BLTP1: variants seen among roughly 807,000 people sequenced by gnomAD.
BLTP1 encodes the protein bridge-like lipid transfer protein family member 1.
the BLTP1 span, chr4:122,305,977 A>C: frequency 6.2e-7 from 1 of 1,612,256 alleles, no homozygotes; most frequent in Non-Finnish European, 8.5e-7. Context: ...GGTTCTTCAG[A>C]TAGGGAAGCT....
chr4:122,265,763 A>C, the BLTP1 span, among the ~76,000 whole-genome samples: 1 of 152,032 alleles, frequency 6.6e-6, no homozygotes, highest in Non-Finnish European at 1.5e-5. Flanking sequence ...CAGTAGTGCA[A>C]TCTTGGCTCA....
chr4:122,235,172 A>G, the BLTP1 span: 2 of 835,220 alleles, frequency 2.4e-6, no homozygotes, highest in Non-Finnish European at 3.5e-6. Context: ...TTTGTTTTGC[A>G]CATGACTTAA....
At chr4:122,201,212 G>A in the BLTP1 span, 1 of 1,036,792 alleles carries the variant, frequency 9.6e-7, no homozygotes, top group East Asian at 2.6e-5. Context: ...AAATTACATA[G>A]GGATATGATA....
chr4:122,271,080 G>A, the BLTP1 span: 1 of 1,613,744 alleles, frequency 6.2e-7, no homozygotes, highest in African/African-American at 1.3e-5. Flanking sequence ...GGAACCTTTA[G>A]CATCAGTGCT....
the BLTP1 span, chr4:122,161,139 C>T: frequency 1.0e-6 from 1 of 984,208 alleles, no homozygotes; most frequent in Non-Finnish European, 1.2e-6. Flanking sequence ...GTTTATTTTC[C>T]AGCCCTTAAA....
the BLTP1 span, chr4:122,215,274 G>A: frequency 2.5e-6 from 2 of 797,480 alleles, no homozygotes; most frequent in East Asian, 1.3e-4. Context: ...AGACCCAAGG[G>A]TATCTTTTTT....
the BLTP1 span, chr4:122,155,026 C>T: frequency 1.5e-6 from 1 of 656,646 alleles, no homozygotes; most frequent in African/African-American, 2.0e-5. Flanking sequence ...CAGTGTAATT[C>T]ATTTCATAAC....
the BLTP1 span, chr4:122,153,046 A>G: frequency 4.1e-6 from 4 of 984,980 alleles, no homozygotes; most frequent in Non-Finnish European, 4.8e-6. Flanking sequence ...TGTATTCTGA[A>G]TTGGTGCTTG....
the BLTP1 span, chr4:122,337,259 G>C: frequency 2.1e-6 from 1 of 474,170 alleles, no homozygotes; most frequent in South Asian, 2.7e-5. Flanking sequence ...AAACTGAATA[G>C]CGTAAGTCAG....
At chr4:122,234,935 A>C in the BLTP1 span, 35 of 1,613,830 alleles carry the variant, frequency 2.2e-5, no homozygotes, top group Non-Finnish European at 3.0e-5. Context: ...TTTCAAGCAC[A>C]AGTGCAGAGT....
At chr4:122,286,629 T>A in the BLTP1 span, 2 of 1,614,100 alleles carry the variant, frequency 1.2e-6, no homozygotes, top group Non-Finnish European at 1.7e-6. Flanking sequence ...CAACCATTCC[T>A]CCTTCTGCCA....
the BLTP1 span, chr4:122,261,890 AG>A: frequency 2.0e-6 from 2 of 985,372 alleles, no homozygotes; most frequent in Non-Finnish European, 2.4e-6. Context: ...GATGACTGGG[AG>A]GGCATTGAAA....
At chr4:122,159,036 T>G in the BLTP1 span, among the ~76,000 whole-genome samples, 1 of 152,252 alleles carries the variant, frequency 6.6e-6, no homozygotes, top group African/African-American at 2.4e-5. Flanking sequence ...TTCTTTTGCC[T>G]AGTATTTGAT....
the BLTP1 span, chr4:122,325,295 G>A: frequency 3.1e-6 from 5 of 1,608,834 alleles, no homozygotes; most frequent in South Asian, 4.4e-5. Flanking sequence ...CCTGGACCTA[G>A]AGTAACTTTT....
the BLTP1 span, chr4:122,187,070 T>TC: frequency 5.9e-5 from 58 of 984,916 alleles, no homozygotes; most frequent in Middle Eastern, 1.6e-3. Flanking sequence ...TCATTTATGT[T>TC]TAATAATAAC....
the BLTP1 span, chr4:122,349,357 T>C: frequency 6.3e-7 from 1 of 1,577,354 alleles, no homozygotes; most frequent in Non-Finnish European, 8.6e-7. This position sits in a 1 kb window ranked among gnomAD's most constrained non-coding sequence, Gnocchi z 4.5. Context: ...ATCCTTAAGA[T>C]ATATATATCA....
the BLTP1 span, chr4:122,305,082 T>C: frequency 2.1e-4 from 267 of 1,279,490 alleles, 2 homozygotes; most frequent in Admixed American, 2.0e-3. Flanking sequence ...TACAAAAATA[T>C]TTAGTTTAAT....
chr4:122,333,825 C>A, the BLTP1 span: 2 of 1,603,112 alleles, frequency 1.2e-6, no homozygotes, highest in Non-Finnish European at 1.7e-6. Flanking sequence ...AACCCAATTG[C>A]CTAGGGTAAG....
chr4:122,170,107 G>T, the BLTP1 span: 1 of 480,884 alleles, frequency 2.1e-6, no homozygotes, highest in South Asian at 9.0e-5. Context: ...AGGAGTTCAA[G>T]ACCAGCCTGA....
Sources: gnomAD v4.1 joint callset for allele counts (sites outside exome capture counted in the v4.1 genomes callset) on GRCh38, gnomAD v4.1.1 for gene constraint, Gnocchi (gnomAD v3.1) non-coding constraint, MANE v1.5 for transcripts, NCBI Gene and HGNC (gene_info 2026-07-23, HGNC 2026-07-21) for gene names.